Variants in WDR27 observed in about 807,000 individuals in gnomAD.
The protein encoded by WDR27 is WD repeat-containing protein 27.
A neutral mutation model predicts 114.4 loss-of-function variants in WDR27; 100 were observed. The ratio of observed to expected loss-of-function variants is 0.87; its 90% CI spans 0.74 to 1.03. The LOEUF is 1.03. Ranked by LOEUF, WDR27 falls within the 50% of genes least tolerant of loss-of-function variation. The probability of loss-of-function intolerance (pLI) is 0.00; values close to 1 mark genes in which losing one functional copy is unlikely to be tolerated. For synonymous variants in WDR27, 449 were observed against 423.1 expected, an observed-to-expected ratio of 1.06 and a Z score of -0.75; for missense variants, 1,129 against 1,092.9, an observed-to-expected ratio of 1.03 and a Z score of -0.47.
chr6:169,569,107 A>C (rs1800956858), intron 25 of WDR27, among the ~76,000 whole-genome samples: 2 of 152,228 alleles, frequency 1.3e-5, no homozygotes, highest in African/African-American at 4.8e-5. Flanking sequence ...TTGGAGTGGC[A>C]AGCAAACAGC....
chr6:169,498,237 T>C (rs1464796539), intron 25 of WDR27, among the ~76,000 whole-genome samples: 1 of 152,132 alleles, frequency 6.6e-6, no homozygotes, highest in African/African-American at 2.4e-5. Context: ...TCTCATCTAT[T>C]CAGAAACAGA....
rs147452353 is a variant in WDR27, at chr6:169,550,935, T to G, written c.2645+21484A>C. Among the ~76,000 whole-genome samples, 276 of 152,278 alleles carry G rather than the reference T, an allele frequency of 1.8e-3. 4 individuals are homozygous for G. Among genetic ancestry groups the G allele is most frequent in the African/African-American group, 6.4e-3 (267 of 41,552 alleles). The stretch of plus-strand genomic sequence containing the variant: ...CTCACTATGTTGCCCAAGCTGGTCT[T>G]GAACTCCTGGACTGAAGCAATCTGC... On this transcript the variant is annotated intron_variant, in intron 25 of 25. Transcript: ENST00000448612.
At chr6:169,501,162 G>T (rs1035221435) in intron 25 of WDR27, among the ~76,000 whole-genome samples, 7 of 152,226 alleles carry the variant, frequency 4.6e-5, no homozygotes, top group African/African-American at 1.7e-4. Flanking sequence ...CACCCACTTT[G>T]ATCCAGCAGG....
intron 23 of WDR27, among the ~76,000 whole-genome samples, chr6:169,588,533 C>T (rs1265440878): frequency 2.0e-5 from 3 of 152,092 alleles, no homozygotes; most frequent in Non-Finnish European, 2.9e-5. Flanking sequence ...TAAGTGGACC[C>T]GTGCATTTCA....
chr6:169,583,035 A>G (rs561323999), intron 23 of WDR27, 101 bp from the exon 24 acceptor site: 5 of 975,318 alleles, frequency 5.1e-6, no homozygotes, highest in Non-Finnish European at 7.8e-6. Flanking sequence ...AGTGTAGTTG[A>G]TCAGATACAA....
intron 2 of WDR27, among the ~76,000 whole-genome samples, chr6:169,675,675 T>G (rs1351856783): frequency 1.3e-5 from 2 of 152,336 alleles, no homozygotes; most frequent in Admixed American, 1.3e-4. Context: ...TTAAACATTT[T>G]CTGGTTGACA....
intron 25 of WDR27, among the ~76,000 whole-genome samples, chr6:169,487,255 T>C (rs1488218648): frequency 6.6e-6 from 1 of 152,246 alleles, no homozygotes; most frequent in East Asian, 1.9e-4. Context: ...TTTTATAATG[T>C]GAACATCGAC....
At chr6:169,497,731 T>A (rs903875333) in intron 25 of WDR27, among the ~76,000 whole-genome samples, 1 of 152,144 alleles carries the variant, frequency 6.6e-6, no homozygotes, top group African/African-American at 2.4e-5. Context: ...AGAATGCAAC[T>A]ATCAAAAGAA....
chr6:169,656,101 C>T (rs544171464), intron 13 of WDR27, among the ~76,000 whole-genome samples: 12 of 152,124 alleles, frequency 7.9e-5, no homozygotes, highest in African/African-American at 2.7e-4. Flanking sequence ...CAGGTGGTCC[C>T]CCAGTGTGGC....
chr6:169,619,528 G>A (rs1194657077), intron 21 of WDR27, among the ~76,000 whole-genome samples: 3 of 152,238 alleles, frequency 2.0e-5, no homozygotes, highest in African/African-American at 7.2e-5. Context: ...TTTTAGGGAC[G>A]CATGAGACAT....
chr6:169,638,565 G>T lies in WDR27; in HGVS notation c.1843C>A (p.Arg615Ser). ...AGAAGCAGTGCGAGCTCTGCCCCAC[G>T]AGCCGACCACATTCGCAGGGTCCCG... is the stretch of plus-strand genomic sequence containing the variant. ...RDGTLRMWSA[R>S]GAELALLLGK... Residue 615 changes from arginine to serine, a missense_variant, in exon 18 of 26, where the codon CGT (arginine) becomes AGT (serine). Coordinates refer to ENST00000448612, the MANE Select transcript of WDR27 (RefSeq NM_182552.5). The T allele has an allele frequency of 5.0e-6, 8 of 1,610,896 alleles. No individual in the cohort carries two copies. Among genetic ancestry groups the T allele is most frequent in the Non-Finnish European group, 6.8e-6 (8 of 1,178,906 alleles).
chr6:169,445,219 T>C, the WDR27 span, among the ~76,000 whole-genome samples: 2 of 152,346 alleles, frequency 1.3e-5, no homozygotes, highest in Admixed American at 1.3e-4. Flanking sequence ...TTCTTAAGTC[T>C]TCTAATTTGC....
At chr6:169,670,184 T>C (rs1778322565) in intron 4 of WDR27, 1 of 163,900 alleles carries the variant, frequency 6.1e-6, no homozygotes, top group Non-Finnish European at 1.3e-5. Context: ...TTCCTTTAAC[T>C]AACCCTGGTG....
At chr6:169,453,723 A>T (rs1227449151), downstream of WDR27, among the ~76,000 whole-genome samples, 1 of 152,196 alleles carries the variant, frequency 6.6e-6, no homozygotes, top group Non-Finnish European at 1.5e-5. Context: ...AAATTGTATC[A>T]TTTCTTAAAT....
chr6:169,597,887 C>G (rs908746957), intron 23 of WDR27, among the ~76,000 whole-genome samples: 1 of 150,394 alleles, frequency 6.6e-6, no homozygotes, highest in Non-Finnish European at 1.5e-5. Flanking sequence ...TACACACACA[C>G]ACACACACAC....
intron 13 of WDR27, among the ~76,000 whole-genome samples, chr6:169,654,083 GAAAC>G (rs1000396110): frequency 1.8e-4 from 28 of 152,068 alleles, no homozygotes; most frequent in African/African-American, 4.8e-4. Context: ...AAACAAAACA[GAAAC>G]AAACAAAAAA....
Position 169,701,861 on chromosome 6 carries a change from G to A in WDR27, c.-318C>T. 4 of 340,544 alleles carry A rather than the reference G, an allele frequency of 1.2e-5. 1 individual carries two copies. The highest frequency in any genetic ancestry group is 8.5e-5 in the South Asian group (4 of 46,968). The allele number at this position is 340,544 out of a possible 1,614,324, so 21.1% of individuals were successfully genotyped here. On this transcript the variant is annotated 5_prime_UTR_variant, in exon 1 of 26. Transcript: ENST00000448612. ...CCCTGCGCCCTAGGCACACGCCCCA[G>A]AGCAGCAGCTCGGGTTCGGCGCCGA...
intron 7 of WDR27, 185 bp downstream of exon 7, chr6:169,665,301 C>T: frequency 7.3e-7 from 1 of 1,378,432 alleles, no homozygotes. Context: ...GACCAGGGGG[C>T]CCAGGACCAT....
chr6:169,586,889 G>T (rs1378150036), intron 23 of WDR27, among the ~76,000 whole-genome samples: 1 of 134,650 alleles, frequency 7.4e-6, no homozygotes, highest in African/African-American at 2.8e-5. Context: ...GTCGCTTCCT[G>T]ACTTCAGGGA....
Sources: allele counts gnomAD v4.1 joint callset (sites outside exome capture counted in the v4.1 genomes callset), GRCh38; gene constraint gnomAD v4.1.1; transcripts MANE v1.5; gene names NCBI Gene and HGNC (gene_info 2026-07-23, HGNC 2026-07-21).